Variants in CFDP1 observed in about 807,000 individuals in gnomAD.
The protein encoded by CFDP1 is heterochromatin-stabilizing protein CFDP1.
Under a neutral mutation model 40.1 loss-of-function variants are expected in CFDP1, and 31 were observed. The observed-to-expected ratio is 0.77, with a 90% CI of 0.58 to 1.04. CFDP1 has a LOEUF of 1.04. CFDP1 is among the 50% of genes least tolerant of loss of function. The pLI is 0.00. For missense variants in CFDP1, 423 were observed against 343.4 expected (o/e 1.23, Z -1.83); for synonymous variants, 167 against 120.0 (o/e 1.39, Z -2.56).
intron 5 of CFDP1, among the ~76,000 whole-genome samples, chr16:75,347,485 C>A (rs1294697322): frequency 6.6e-6 from 1 of 151,926 alleles, no homozygotes; most frequent in Non-Finnish European, 1.5e-5. Flanking sequence ...CGAGACCATC[C>A]TGGTTAACAC....
intron 5 of CFDP1, among the ~76,000 whole-genome samples, chr16:75,388,939 T>G (rs1301435981): frequency 6.6e-6 from 1 of 150,574 alleles, no homozygotes; most frequent in Admixed American, 6.6e-5. Context: ...TTTTTTCCAC[T>G]CCATAGATCA....
intron 6 of CFDP1, among the ~76,000 whole-genome samples, chr16:75,294,254 A>G (rs547173459): frequency 5.9e-5 from 9 of 152,338 alleles, no homozygotes; most frequent in African/African-American, 2.2e-4. Context: ...ATGAGAAAGT[A>G]TATTAGAGGC....
chr16:75,367,916 C>A (rs1482044146), intron 5 of CFDP1, among the ~76,000 whole-genome samples: 1 of 151,960 alleles, frequency 6.6e-6, no homozygotes, highest in Non-Finnish European at 1.5e-5. Context: ...ACCAGCCCAG[C>A]CAACATGGTG....
chr16:75,327,675 C>T (rs1262231273), intron 5 of CFDP1, among the ~76,000 whole-genome samples: 1 of 152,056 alleles, frequency 6.6e-6, no homozygotes, highest in African/African-American at 2.4e-5. Context: ...ATAGTCCATG[C>T]CATGGCTCAG....
At position 75,397,116 on chromosome 16, in the gene CFDP1, G is replaced by A. The variant is rs951451651; in HGVS notation, c.531-1907C>T. Among the ~76,000 whole-genome samples the A allele has an allele frequency of 4.2e-4, 64 of 151,770 alleles. 1 individual carries two copies. The highest frequency in any genetic ancestry group is 1.2e-3 in the East Asian group (6 of 5,056). On this transcript the variant is annotated intron_variant, in intron 4 of 6. Transcript: ENST00000283882. The stretch of plus-strand genomic sequence containing the variant: ...TTTTTAGTAGAGATGGGGTTTCACC[G>A]TGTTAGCCAGGATGGTCTTGATCTC...
At chr16:75,354,316 T>G (rs1285010264) in intron 5 of CFDP1, among the ~76,000 whole-genome samples, 2 of 152,208 alleles carry the variant, frequency 1.3e-5, no homozygotes, top group Admixed American at 6.5e-5. Context: ...AGTAACTTGC[T>G]GAGTGCCTGC....
chr16:75,343,741 G>A (rs1005400007), intron 5 of CFDP1, among the ~76,000 whole-genome samples: 2 of 152,174 alleles, frequency 1.3e-5, no homozygotes, highest in South Asian at 2.1e-4. Flanking sequence ...GCACTGACTA[G>A]CCCTAGTCAT....
chr16:75,309,158 C>G (rs917511498), intron 5 of CFDP1, among the ~76,000 whole-genome samples: 1 of 152,162 alleles, frequency 6.6e-6, no homozygotes, highest in Non-Finnish European at 1.5e-5. Context: ...TTTGTGGGCT[C>G]CCTCAGGGTT....
chr16:75,355,035 C>T (rs8051611), intron 5 of CFDP1, among the ~76,000 whole-genome samples: 128,350 of 152,140 alleles, frequency 0.84, 54,290 homozygotes, highest in Middle Eastern at 0.92. Context: ...ATGTTTACAC[C>T]GCACTGCAGT....
chr16:75,392,768 G>C (rs1182894134), intron 5 of CFDP1, among the ~76,000 whole-genome samples: 4 of 152,194 alleles, frequency 2.6e-5, no homozygotes, highest in Non-Finnish European at 1.5e-5. Context: ...TCTCTTAATT[G>C]ATTATTCCAA....
At chr16:75,386,433 A>C (rs191673965) in intron 5 of CFDP1, among the ~76,000 whole-genome samples, 6 of 152,332 alleles carry the variant, frequency 3.9e-5, no homozygotes, top group Admixed American at 3.9e-4. Context: ...TTTTGCTTTG[A>C]AAACTTTTTG....
At chr16:75,417,088 T>C (rs1456310846) in intron 1 of CFDP1, among the ~76,000 whole-genome samples, 1 of 152,082 alleles carries the variant, frequency 6.6e-6, no homozygotes, top group African/African-American at 2.4e-5. Flanking sequence ...GGAGGATCAC[T>C]TGAACCCAGG....
intron 1 of CFDP1, among the ~76,000 whole-genome samples, chr16:75,420,990 G>T (rs1038768979): frequency 1.4e-4 from 22 of 152,170 alleles, no homozygotes; most frequent in African/African-American, 5.3e-4. Flanking sequence ...AGATGCACAT[G>T]ACTCTGGATC....
At chr16:75,425,163 T>G (rs1275891282) in intron 1 of CFDP1, among the ~76,000 whole-genome samples, 1 of 152,114 alleles carries the variant, frequency 6.6e-6, no homozygotes, top group Non-Finnish European at 1.5e-5. Context: ...GTCTACAGAT[T>G]CAATGCAATT....
intron 1 of CFDP1, among the ~76,000 whole-genome samples, chr16:75,423,280 C>CAAAAAAA (rs34137868): frequency 9.1e-6 from 1 of 109,304 alleles, no homozygotes; most frequent in East Asian, 2.6e-4. Flanking sequence ...GACTCCGTCT[C>CAAAAAAA]AAAAAAAAAA....
intron 5 of CFDP1, among the ~76,000 whole-genome samples, chr16:75,393,842 G>A (rs931156488): frequency 1.3e-4 from 20 of 150,110 alleles, no homozygotes; most frequent in African/African-American, 4.7e-4. Flanking sequence ...GGCAGATCAC[G>A]AGGTCAGGAG....
At chr16:75,392,439 C>A (rs922662927) in intron 5 of CFDP1, among the ~76,000 whole-genome samples, 2 of 148,276 alleles carry the variant, frequency 1.3e-5, no homozygotes, top group African/African-American at 2.5e-5. Flanking sequence ...CAAAAAAAAA[C>A]AGCTTGTTAC....
At chr16:75,305,476 G>T in intron 5 of CFDP1, 1 of 309,382 alleles carries the variant, frequency 3.2e-6, no homozygotes, top group South Asian at 6.0e-5. Context: ...GCAAGGAGGG[G>T]AGGAGCAGCG....
intron 5 of CFDP1, among the ~76,000 whole-genome samples, chr16:75,369,872 C>A (rs560747129): frequency 6.6e-6 from 1 of 152,010 alleles, no homozygotes; most frequent in East Asian, 1.9e-4. Context: ...GATTCTCATG[C>A]CACAGCCTCC....
Sources: allele counts gnomAD v4.1 joint callset (sites outside exome capture counted in the v4.1 genomes callset), GRCh38; gene constraint gnomAD v4.1.1; transcripts MANE v1.5; gene names NCBI Gene and HGNC (gene_info 2026-07-23, HGNC 2026-07-21).